The following MIS18A variants were observed in gnomAD, a reference collection of about 807,000 sequenced individuals.
MIS18A encodes MIS18 kinetochore protein A, also known as protein Mis18-alpha.
In MIS18A, 14 loss-of-function variants were observed where a neutral mutation model predicts 25.0. The observed-to-expected ratio is 0.56, with a 90% CI of 0.37 to 0.88. The LOEUF (loss-of-function observed/expected upper bound fraction) is 0.88, where lower values mean the gene tolerates loss of function less well. Among genes scored for constraint, MIS18A ranks in the 40% least tolerant of loss-of-function variants. The probability of loss-of-function intolerance (pLI) is 0.00; values close to 1 mark genes in which losing one functional copy is unlikely to be tolerated. For missense variants in MIS18A, 292 were observed against 290.8 expected, an observed-to-expected ratio of 1.00 and a Z score of -0.03; for synonymous variants, 134 against 118.6, an observed-to-expected ratio of 1.13 and a Z score of -0.84.
the MIS18A span, among the ~76,000 whole-genome samples, chr21:32,188,793 G>A: frequency 6.6e-6 from 1 of 152,170 alleles, no homozygotes; most frequent in South Asian, 2.1e-4. Flanking sequence ...GATCAGAGAT[G>A]GGGTGTCCAC....
intron 1 of MIS18A, 196 bp downstream of exon 1, chr21:32,278,485 A>AC (rs1341276822): frequency 3.4e-6 from 2 of 589,144 alleles, no homozygotes; most frequent in Admixed American, 6.8e-5. Flanking sequence ...CCAGAAAAGA[A>AC]CCCACCGCCC....
At chr21:32,258,761 G>C in the MIS18A span, among the ~76,000 whole-genome samples, 3 of 152,108 alleles carry the variant, frequency 2.0e-5, no homozygotes, top group Non-Finnish European at 4.4e-5. Flanking sequence ...AACGTGCCTG[G>C]GGACCACCTA....
chr21:32,154,727 C>T, the MIS18A span, among the ~76,000 whole-genome samples: 4 of 151,610 alleles, frequency 2.6e-5, no homozygotes, highest in East Asian at 1.9e-4. Context: ...AAGGTTTTGT[C>T]GCAGGAGAAG....
intron 1 of MIS18A, among the ~76,000 whole-genome samples, chr21:32,276,235 CG>C (rs2031805969): frequency 1.3e-5 from 2 of 151,702 alleles, no homozygotes; most frequent in Admixed American, 1.3e-4. Context: ...CCGAGGCAGG[CG>C]GATCATGAGG....
At chr21:32,251,660 T>C in the MIS18A span, among the ~76,000 whole-genome samples, 2 of 152,202 alleles carry the variant, frequency 1.3e-5, no homozygotes, top group Non-Finnish European at 2.9e-5. Context: ...CCTCCCTCTA[T>C]GATTTGTCAA....
the MIS18A span, among the ~76,000 whole-genome samples, chr21:32,235,203 C>T: frequency 6.6e-6 from 1 of 152,176 alleles, no homozygotes; most frequent in Admixed American, 6.5e-5. Flanking sequence ...TCACAGCTGC[C>T]CCCACCTCCA....
the MIS18A span, among the ~76,000 whole-genome samples, chr21:32,237,744 T>C: frequency 6.6e-6 from 1 of 152,188 alleles, no homozygotes; most frequent in Non-Finnish European, 1.5e-5. Flanking sequence ...ATTATATTCC[T>C]GATGATTAGG....
the MIS18A span, among the ~76,000 whole-genome samples, chr21:32,223,377 G>A: frequency 1.2e-3 from 177 of 152,024 alleles, no homozygotes; most frequent in Admixed American, 2.6e-3. Context: ...TAGATGGAAC[G>A]CCAGCCAGAG....
the MIS18A span, among the ~76,000 whole-genome samples, chr21:32,175,036 T>C: frequency 6.6e-6 from 1 of 152,314 alleles, no homozygotes; most frequent in African/African-American, 2.4e-5. Flanking sequence ...GCAAACATCA[T>C]AGAGTGTACT....
At chr21:32,240,492 A>G in the MIS18A span, among the ~76,000 whole-genome samples, 6 of 152,210 alleles carry the variant, frequency 3.9e-5, no homozygotes, top group Non-Finnish European at 8.8e-5. Context: ...GTTGTTGTTT[A>G]TAAGCCACCC....
At chr21:32,254,875 T>C in the MIS18A span, among the ~76,000 whole-genome samples, 3 of 152,188 alleles carry the variant, frequency 2.0e-5, no homozygotes, top group Non-Finnish European at 4.4e-5. Context: ...AAAACTACAT[T>C]GTTTGTAGTA....
chr21:32,217,831 C>A, the MIS18A span, among the ~76,000 whole-genome samples: 72 of 152,002 alleles, frequency 4.7e-4, no homozygotes, highest in Non-Finnish European at 9.0e-4. Context: ...GAAAAAAAAA[C>A]ACTATCAACC....
chr21:32,277,846 T>C (rs2031845134), intron 1 of MIS18A: 1 of 152,170 alleles, frequency 6.6e-6, no homozygotes, highest in African/African-American at 2.4e-5. Context: ...TGGACACTGG[T>C]GTGCTCCTTT....
chr21:32,189,134 C>T, the MIS18A span, among the ~76,000 whole-genome samples: 1 of 90 alleles, frequency 0.011, no homozygotes, highest in Non-Finnish European at 0.019. Context: ...GGTGTGCGGA[C>T]ACCGCCATGA....
chr21:32,201,763 A>G, the MIS18A span, among the ~76,000 whole-genome samples: 2 of 152,150 alleles, frequency 1.3e-5, no homozygotes, highest in Admixed American at 1.3e-4. Flanking sequence ...CAGTGGAGCT[A>G]TGATCATGCC....
At chr21:32,252,480 T>C in the MIS18A span, among the ~76,000 whole-genome samples, 1 of 152,174 alleles carries the variant, frequency 6.6e-6, no homozygotes, top group Non-Finnish European at 1.5e-5. Flanking sequence ...TATGTATTAG[T>C]ACATTTACTT....
intron 2 of MIS18A, among the ~76,000 whole-genome samples, chr21:32,273,947 G>A (rs868512195): frequency 8.5e-5 from 13 of 152,216 alleles, no homozygotes; most frequent in Middle Eastern, 3.4e-3. Context: ...GCGTCACTAT[G>A]GCACATGGGT....
At chr21:32,189,936 G>A in the MIS18A span, among the ~76,000 whole-genome samples, 2 of 152,166 alleles carry the variant, frequency 1.3e-5, no homozygotes, top group Admixed American at 1.3e-4. Flanking sequence ...CCAGCCCTGA[G>A]CAGTTACCCA....
At chr21:32,277,772 CCGCGCTCGGCCTGGTTTGAT>C (rs1569017107) in intron 1 of MIS18A, 4 of 152,186 alleles carry the variant, frequency 2.6e-5, no homozygotes, top group Admixed American at 1.3e-4. Flanking sequence ...GCCTGAGGCA[CCGCGCTCGGCCTGGTTTGAT>C]TTTGATAGGT....
Sources: gnomAD v4.1 joint callset for allele counts (sites outside exome capture counted in the v4.1 genomes callset) on GRCh38, gnomAD v4.1.1 for gene constraint, MANE v1.5 for transcripts, NCBI Gene and HGNC (gene_info 2026-07-23, HGNC 2026-07-21) for gene names.